CAMK1D: variants seen among roughly 807,000 people sequenced by gnomAD.
CAMK1D encodes the protein calcium/calmodulin-dependent protein kinase type 1D.
CAMK1D carries 9 observed loss-of-function variants against 47.7 expected under a neutral mutation model. The ratio of observed to expected loss-of-function variants is 0.19; its 90% CI spans 0.11 to 0.33. The LOEUF is 0.33. CAMK1D is among the 10% of genes least tolerant of loss of function. The pLI is 1.00. For synonymous variants in CAMK1D, 184 were observed against 184.9 expected, an observed-to-expected ratio of 0.99 and a Z score of 0.04; for missense variants, 291 against 488.7, an observed-to-expected ratio of 0.60 and a Z score of 3.81.
In CAMK1D at chr10:12,825,665, C is replaced by T; in HGVS notation, c.1014C>T (p.Ser338=). Reference sequence around the variant, plus strand: ...GTTCAAATGCAAGTGTTTCGAGCAGCCTCAGTTTGGCCAGCCAAAAAGACT... The same window carrying T: ...GTTCAAATGCAAGTGTTTCGAGCAGTCTCAGTTTGGCCAGCCAAAAAGACT... ...LDSSNASVSS[S]LSLASQKDCL... The change falls in exon 10 of 11, where the codon AGC becomes AGT. Residue 338 remains serine (S), a synonymous_variant. Transcript: ENST00000619168. 1.9e-6 allele frequency: 3 copies of T among 1,614,252 alleles called. No homozygotes were observed. The highest frequency in any genetic ancestry group is 2.5e-6 in the Non-Finnish European group (3 of 1,180,052).
At chr10:12,615,268 TC>T (rs1434392886) in intron 2 of CAMK1D, among the ~76,000 whole-genome samples, 2 of 152,350 alleles carry the variant, frequency 1.3e-5, no homozygotes, top group African/African-American at 4.8e-5. Flanking sequence ...CAAGAGGAAT[TC>T]ACTATTTTTG....
At chr10:12,573,203 C>G (rs142301424) in intron 2 of CAMK1D, among the ~76,000 whole-genome samples, 2 of 152,230 alleles carry the variant, frequency 1.3e-5, no homozygotes, top group Admixed American at 6.5e-5. Context: ...CCTGCAAGCA[C>G]TCAGGCCACA....
chr10:12,504,878 TC>T (rs1186645064), intron 1 of CAMK1D, among the ~76,000 whole-genome samples: 1 of 152,216 alleles, frequency 6.6e-6, no homozygotes, highest in Non-Finnish European at 1.5e-5. Flanking sequence ...TCCTCTGCTT[TC>T]TTGCCCCCTA....
At chr10:12,494,583 G>A (rs1347176959) in intron 1 of CAMK1D, among the ~76,000 whole-genome samples, 10 of 148,244 alleles carry the variant, frequency 6.7e-5, no homozygotes, top group Admixed American at 4.8e-4. Context: ...TCAGTTTTTC[G>A]AGACAGAGTC....
chr10:12,578,139 A>G (rs922426427), intron 2 of CAMK1D, among the ~76,000 whole-genome samples: 2 of 152,104 alleles, frequency 1.3e-5, no homozygotes, highest in African/African-American at 4.8e-5. Flanking sequence ...TAATGGCACC[A>G]TCATGGCTCA....
intron 1 of CAMK1D, among the ~76,000 whole-genome samples, chr10:12,429,487 G>A (rs1032820963): frequency 1.3e-5 from 2 of 152,030 alleles, no homozygotes; most frequent in Non-Finnish European, 2.9e-5. Context: ...TTATAGGTGC[G>A]CGCTATCGTG....
intron 2 of CAMK1D, among the ~76,000 whole-genome samples, chr10:12,622,305 C>T (rs1207698453): frequency 6.6e-6 from 1 of 152,096 alleles, no homozygotes; most frequent in Non-Finnish European, 1.5e-5. Flanking sequence ...AGGCTGCCTT[C>T]CCCTGGTCAC....
chr10:12,480,701 G>A (rs1487740880), intron 1 of CAMK1D, among the ~76,000 whole-genome samples: 2 of 152,190 alleles, frequency 1.3e-5, no homozygotes, highest in East Asian at 1.9e-4. Flanking sequence ...TGTAGGTGAT[G>A]AGCAGGCAGA....
intron 8 of CAMK1D, among the ~76,000 whole-genome samples, chr10:12,820,569 C>G (rs1025387156): frequency 2.0e-5 from 3 of 152,314 alleles, no homozygotes; most frequent in African/African-American, 7.2e-5. Flanking sequence ...TCCGCACATC[C>G]CTGACACCCC....
At chr10:12,615,708 AGAT>A (rs58463464) in intron 2 of CAMK1D, among the ~76,000 whole-genome samples, 10,398 of 144,692 alleles carry the variant, frequency 0.072, 649 homozygotes, top group African/African-American at 0.15. Context: ...AGGTGTCTAT[AGAT>A]GTGTAGGTGT....
intron 5 of CAMK1D, among the ~76,000 whole-genome samples, chr10:12,770,776 A>G (rs1355255681): frequency 6.6e-6 from 1 of 152,202 alleles, no homozygotes; most frequent in East Asian, 1.9e-4. Flanking sequence ...TGGGAGTTAC[A>G]GGACAGCATC....
At chr10:12,753,724 C>T (rs529315411) in intron 3 of CAMK1D, among the ~76,000 whole-genome samples, 5 of 152,320 alleles carry the variant, frequency 3.3e-5, no homozygotes, top group Admixed American at 1.3e-4. Flanking sequence ...TGTTTGACCT[C>T]TCCACCCAGC....
chr10:12,453,401 G>C (rs1833148825), intron 1 of CAMK1D, among the ~76,000 whole-genome samples: 1 of 151,988 alleles, frequency 6.6e-6, no homozygotes. Context: ...TGTTGGCCAG[G>C]CTGGTCTTGA....
At chr10:12,758,664 C>T (rs529428181) in intron 3 of CAMK1D, among the ~76,000 whole-genome samples, 5 of 152,142 alleles carry the variant, frequency 3.3e-5, no homozygotes, top group Non-Finnish European at 7.3e-5. Flanking sequence ...TCGTCCATAC[C>T]TTATATATCA....
rs1836952380 is a variant in CAMK1D at position 12,769,736 on chromosome 10, T to C, written c.502T>C (p.Leu168=). Residue 168 remains leucine, a synonymous_variant, in exon 5 of 11, where the codon TTG becomes CTG. Coordinates refer to ENST00000619168, the MANE Select transcript of CAMK1D (RefSeq NM_153498.4). ...ESKIMISDFG[L]SKMEGKGDVM... is the part of the protein sequence containing the mutation. ...CAAAATAATGATCAGTGACTTTGGA[T>C]TGTCAAAAATGGAGGGCAAAGGAGA... 6.2e-7 allele frequency: 1 copy of C among 1,614,048 alleles called. No individual in the cohort carries two copies. Among genetic ancestry groups the C allele is most frequent in the Non-Finnish European group, 8.5e-7 (1 of 1,180,006 alleles).
At chr10:12,626,849 T>A (rs557284569) in intron 2 of CAMK1D, among the ~76,000 whole-genome samples, 9 of 152,338 alleles carry the variant, frequency 5.9e-5, no homozygotes, top group African/African-American at 2.2e-4. Context: ...CATCTACTGA[T>A]GTTGTACTAA....
intron 1 of CAMK1D, among the ~76,000 whole-genome samples, chr10:12,426,490 C>T (rs1030335149): frequency 3.3e-5 from 5 of 152,220 alleles, no homozygotes; most frequent in African/African-American, 9.6e-5. Context: ...AGCTGATTGC[C>T]GGCCTCAGCC....
chr10:12,360,513 G>T (rs562154682), intron 1 of CAMK1D, among the ~76,000 whole-genome samples: 1 of 152,238 alleles, frequency 6.6e-6, no homozygotes, highest in African/African-American at 2.4e-5. Flanking sequence ...CTTGAAAGAA[G>T]ACTGCTTCAA....
rs750447013 is a variant in CAMK1D, at chr10:12,672,896, C to CTTTTTTTTTTTTTTTTT, written c.299+6089_299+6105dup. Reference sequence around the variant, plus strand: ...CATGTAAGTTTTAGAATAGGCTTGCCTTTTTTTTTTTTTTTTTTTAGTCAG... The same window carrying CTTTTTTTTTTTTTTTTT: ...CATGTAAGTTTTAGAATAGGCTTGCCTTTTTTTTTTTTTTTTTTTTTTTTTTTTTTTTTTTTAGTCAG... On this transcript the variant is annotated intron_variant, in intron 3 of 10. Coordinates refer to ENST00000619168, the MANE Select transcript of CAMK1D (RefSeq NM_153498.4). Among the ~76,000 whole-genome samples the CTTTTTTTTTTTTTTTTT allele has an allele frequency of 7.2e-4, 55 of 76,462 alleles. 3 individuals are homozygous for CTTTTTTTTTTTTTTTTT. The highest frequency in any genetic ancestry group is 8.2e-4 in the African/African-American group (13 of 15,848). 50.2% of individuals were successfully genotyped at this position (76,462 alleles called of 152,430 possible). A position where few individuals can be genotyped will look rare whatever the true frequency, so the allele number is the denominator to read the frequency against.
Sources: allele counts gnomAD v4.1 joint callset (sites outside exome capture counted in the v4.1 genomes callset), GRCh38; gene constraint gnomAD v4.1.1; transcripts MANE v1.5; gene names NCBI Gene and HGNC (gene_info 2026-07-23, HGNC 2026-07-21).